Variants in SCAF11 observed in about 807,000 individuals in gnomAD.
SCAF11 encodes the protein SR-related CTD associated factor 11.
Under a neutral mutation model 140.5 loss-of-function variants are expected in SCAF11, and 47 were observed. The ratio of observed to expected loss-of-function variants is 0.33; its 90% CI spans 0.26 to 0.43. The LOEUF is 0.43. SCAF11 is among the 20% of genes least tolerant of loss of function. The probability of loss-of-function intolerance (pLI) is 1.00; values close to 1 mark genes in which losing one functional copy is unlikely to be tolerated. For missense variants in SCAF11, 1,645 were observed against 1,705.1 expected, an observed-to-expected ratio of 0.96 and a Z score of 0.62; for synonymous variants, 557 against 579.4, an observed-to-expected ratio of 0.96 and a Z score of 0.55.
chr12:45,989,801 C>T lies in SCAF11; in HGVS notation c.-22+552G>A, dbSNP rs1319586425. Among the ~76,000 whole-genome samples, 3 of 152,170 alleles carry T rather than the reference C, an allele frequency of 2.0e-5. No homozygotes were observed. The East Asian group carries it at 5.8e-4, about 29-fold the overall frequency. On this transcript the variant is annotated intron_variant, in intron 1 of 14. Coordinates refer to ENST00000369367, the MANE Select transcript of SCAF11 (RefSeq NM_004719.3). ...AAGCGCCGGCTCTTCCCCATTCGCG[C>T]ACTCGAGAGGTCACGGCGTAGTAAA...
chr12:45,961,853 T>C lies in SCAF11; in HGVS notation c.66A>G (p.Glu22=), dbSNP rs904196154. The change falls in exon 3 of 15, where the codon GAA becomes GAG. Residue 22 remains glutamate, a synonymous_variant. Transcript: ENST00000369367. The part of the protein sequence containing the change: ...GDKKYEDMEG[E]ENGDNTISTG... The stretch of plus-strand genomic sequence containing the variant: ...TGGAAATAGTATTATCTCCGTTTTC[T>C]TCACCTGTTAAAGTAAAACAGCCAT... 2 of 1,598,410 alleles carry C rather than the reference T, an allele frequency of 1.3e-6. No homozygotes were observed. The highest frequency in any genetic ancestry group is 1.7e-6 in the Non-Finnish European group (2 of 1,173,964).
Position 45,921,362 on chromosome 12 carries a change from G to A in SCAF11, c.*686C>T, listed in dbSNP as rs975364678. 6.6e-5 allele frequency: 10 copies of A among 152,552 alleles called. No homozygotes were observed. The highest frequency in any genetic ancestry group is 2.2e-4 in the African/African-American group (9 of 41,414). 9.4% of individuals were successfully genotyped at this position (152,552 alleles called of 1,614,324 possible). A position where few individuals can be genotyped will look rare whatever the true frequency, so the allele number is the denominator to read the frequency against. On this transcript the variant is annotated 3_prime_UTR_variant, in exon 15 of 15. Coordinates refer to ENST00000369367, the MANE Select transcript of SCAF11 (RefSeq NM_004719.3). ...AACTGCCAAAGTTGTAATCTAGTAA[G>A]TCAAACTGCTTATCTCAATTAGGGG...
intron 1 of SCAF11, among the ~76,000 whole-genome samples, chr12:45,971,977 T>G (rs545802544): frequency 6.6e-6 from 1 of 152,184 alleles, no homozygotes; most frequent in South Asian, 2.1e-4. Context: ...CCCAGGGATC[T>G]AGAAAATACC....
Position 45,931,509 on chromosome 12 carries a change from A to G in SCAF11, c.838T>C (p.Phe280Leu). The G allele has an allele frequency of 7.2e-7, 1 of 1,397,648 alleles. No homozygotes were observed. The highest frequency in any genetic ancestry group is 9.4e-7 in the Non-Finnish European group (1 of 1,060,662). The allele number at this position is 1,397,648 out of a possible 1,614,324, so 86.6% of individuals were successfully genotyped here. A position where few individuals can be genotyped will look rare whatever the true frequency, so the allele number is the denominator to read the frequency against. ...AAAATGATTTCACAAACTTTACCAA[A>G]ATGTTCGAAAGATATGGTACTTGTT... ...FPTSTISFEH[F>L]GTSCKGYALA... Residue 280 changes from phenylalanine to leucine, a missense_variant, in exon 10 of 15, where the codon TTT becomes CTT. Transcript: ENST00000369367.
chr12:45,927,354 T>G lies in SCAF11; in HGVS notation c.2347A>C (p.Lys783Gln). The G allele has an allele frequency of 6.2e-7, 1 of 1,614,166 alleles. No homozygotes were observed. Among genetic ancestry groups the G allele is most frequent in the Non-Finnish European group, 8.5e-7 (1 of 1,180,020 alleles). The change falls in exon 11 of 15, where the codon AAA becomes CAA. Residue 783 changes from lysine to glutamine, a missense_variant. Transcript: ENST00000369367. Reference sequence around the variant, plus strand: ...CTTCGAGTACGAGGCTTTTTGGTTTTATCTATGGTATCTTTTGGGCTTTCA... The same window carrying G: ...CTTCGAGTACGAGGCTTTTTGGTTTGATCTATGGTATCTTTTGGGCTTTCA... ...PSESPKDTIDKTKKPRTRRSR... is the reference protein window; with the variant it reads ...PSESPKDTIDQTKKPRTRRSR...
intron 1 of SCAF11, among the ~76,000 whole-genome samples, chr12:45,971,772 T>C (rs923626329): frequency 2.0e-5 from 3 of 151,892 alleles, no homozygotes; most frequent in African/African-American, 4.8e-5. Context: ...CTGGTGATGG[T>C]AGTGGGTGCA....
chr12:45,962,038 A>AT (rs1383870155), intron 2 of SCAF11, among the ~76,000 whole-genome samples, 181 bp from the exon 3 acceptor site: 1 of 152,128 alleles, frequency 6.6e-6, no homozygotes. Flanking sequence ...ACTTTCTTAA[A>AT]TTTTTTTAAC....
In SCAF11 at chr12:45,934,330, G is replaced by A. The variant is rs377061077; in HGVS notation, c.523-45C>T. 2.4e-5 allele frequency: 34 copies of A among 1,413,254 alleles called. No homozygotes were observed. The African/African-American group carries it at 4.7e-4, about 20-fold the overall frequency. The allele number at this position is 1,413,254 out of a possible 1,614,324, so 87.5% of individuals were successfully genotyped here. A position where few individuals can be genotyped will look rare whatever the true frequency, so the allele number is the denominator to read the frequency against. On this transcript the variant is annotated intron_variant, in intron 7 of 14. Transcript: ENST00000369367. Reference sequence around the variant, plus strand: ...TTAGTGAAACAGCAAATAAATAACAGGTAAATAATAGTTATACTTAAATAT... The same window carrying A: ...TTAGTGAAACAGCAAATAAATAACAAGTAAATAATAGTTATACTTAAATAT...
intron 1 of SCAF11, among the ~76,000 whole-genome samples, chr12:45,988,819 CTG>C (rs1248007251): frequency 1.3e-5 from 2 of 152,130 alleles, no homozygotes; most frequent in Admixed American, 1.3e-4. Context: ...AACTGAATGA[CTG>C]TTAAAATATC....
At chr12:45,949,124 T>G (rs1018529654) in intron 4 of SCAF11, among the ~76,000 whole-genome samples, 1 of 152,168 alleles carries the variant, frequency 6.6e-6, no homozygotes, top group Non-Finnish European at 1.5e-5. Flanking sequence ...AACTTTGGTG[T>G]GATATGGGGA....
At chr12:45,945,816 A>T (rs771339839) in intron 5 of SCAF11, among the ~76,000 whole-genome samples, 1 of 152,084 alleles carries the variant, frequency 6.6e-6, no homozygotes, top group Middle Eastern at 3.4e-3. Context: ...TACAGGTGTA[A>T]GCTACCATGC....
chr12:45,964,492 C>G (rs887631913), intron 1 of SCAF11, among the ~76,000 whole-genome samples: 49 of 152,100 alleles, frequency 3.2e-4, no homozygotes, highest in African/African-American at 1.2e-3. Context: ...ACGGTGAAAC[C>G]CTGTCTCTAC....
chr12:45,972,965 T>TATATAGATATATAGATATATAGATATAG (rs1946138800), intron 1 of SCAF11, among the ~76,000 whole-genome samples: 2 of 121,094 alleles, frequency 1.7e-5, no homozygotes, highest in Non-Finnish European at 3.5e-5. Flanking sequence ...TATAGATATA[T>TATATAGATATATAGATATATAGATATAG]ATATAGATAT....
At position 45,955,526 on chromosome 12, in the gene SCAF11, C is replaced by CA. The variant is rs1300287390; in HGVS notation, c.220-3800dup. ...AGCAGATATCTATCCAGAAAGGTCT[C>CA]AAAGATGTTTTTAGTTTTCAGAGTA... On this transcript the variant is annotated intron_variant, in intron 3 of 14. Coordinates refer to ENST00000369367, the MANE Select transcript of SCAF11 (RefSeq NM_004719.3). 6.5e-5 allele frequency: 10 copies of CA among 153,050 alleles called. No homozygotes were observed. In the East Asian group the frequency reaches 1.9e-3, roughly 29 times the overall value. The allele number at this position is 153,050 out of a possible 1,614,324, so 9.5% of individuals were successfully genotyped here. A position where few individuals can be genotyped will look rare whatever the true frequency, so the allele number is the denominator to read the frequency against.
At chr12:45,982,491 G>A (rs1288932038) in intron 1 of SCAF11, among the ~76,000 whole-genome samples, 1 of 152,124 alleles carries the variant, frequency 6.6e-6, no homozygotes, top group East Asian at 1.9e-4. Flanking sequence ...CAGATCACTT[G>A]AGGTCAGGAG....
intron 3 of SCAF11, chr12:45,955,638 T>C (rs1278663553): frequency 6.5e-6 from 1 of 153,010 alleles, no homozygotes; most frequent in Non-Finnish European, 1.5e-5. Flanking sequence ...ATACTTACTC[T>C]ATTTTTAAGT....
chr12:45,928,871 TAAA>T lies in SCAF11; in HGVS notation c.842-15_842-13del, dbSNP rs369428457. 29 of 1,025,960 alleles carry T rather than the reference TAAA, an allele frequency of 2.8e-5. No homozygotes were observed. The highest frequency in any genetic ancestry group is 3.6e-5 in the Non-Finnish European group (28 of 781,668). The allele number at this position is 1,025,960 out of a possible 1,614,324, so 63.6% of individuals were successfully genotyped here. A position where few individuals can be genotyped will look rare whatever the true frequency, so the allele number is the denominator to read the frequency against. On this transcript the variant is annotated splice_polypyrimidine_tract_variant and intron_variant, in intron 10 of 14. Coordinates refer to ENST00000369367, the MANE Select transcript of SCAF11 (RefSeq NM_004719.3). ...CTTGCAAGAAGTACCTAATAATATTTAAAAAAAAAAAAAAAGTAAAAAATATGT... is the reference window on the plus strand; with the variant it reads ...CTTGCAAGAAGTACCTAATAATATTTAAAAAAAAAAAAGTAAAAAATATGT...
chr12:45,956,355 G>A (rs756407105), intron 3 of SCAF11, among the ~76,000 whole-genome samples: 1 of 152,138 alleles, frequency 6.6e-6, no homozygotes, highest in African/African-American at 2.4e-5. Context: ...ATCAAATAAA[G>A]ATGACTTAGA....
chr12:45,978,430 G>T (rs1946282529), intron 1 of SCAF11, among the ~76,000 whole-genome samples: 1 of 152,166 alleles, frequency 6.6e-6, no homozygotes, highest in Admixed American at 6.5e-5. Context: ...ACTTTTAAGG[G>T]ATGAGTTATA....
Sources: allele counts gnomAD v4.1 joint callset (sites outside exome capture counted in the v4.1 genomes callset), GRCh38; gene constraint gnomAD v4.1.1; transcripts MANE v1.5; gene names NCBI Gene and HGNC (gene_info 2026-07-23, HGNC 2026-07-21).